Variants in PDPN observed in about 807,000 individuals in gnomAD.
PDPN encodes podoplanin.
A neutral mutation model predicts 23.2 loss-of-function variants in PDPN; 12 were observed. That is an observed-to-expected ratio of 0.52 (90% CI 0.33 to 0.84). The LOEUF (loss-of-function observed/expected upper bound fraction) is 0.84, where lower values mean the gene tolerates loss of function less well. Ranked by LOEUF, PDPN falls within the 40% of genes least tolerant of loss-of-function variation. The pLI is 0.02. For synonymous variants in PDPN, 77 were observed against 76.7 expected, an observed-to-expected ratio of 1.00 and a Z score of -0.02; for missense variants, 199 against 212.2, an observed-to-expected ratio of 0.94 and a Z score of 0.39.
intron 1 of PDPN, among the ~76,000 whole-genome samples, chr1:13,603,241 G>T (rs184152464): frequency 2.0e-5 from 3 of 152,170 alleles, no homozygotes; most frequent in Admixed American, 2.0e-4. Flanking sequence ...AAATTAGCTG[G>T]GCGTGGTGGT....
chr1:13,599,071 C>T (rs1347333431), intron 1 of PDPN, among the ~76,000 whole-genome samples: 3 of 142,596 alleles, frequency 2.1e-5, no homozygotes, highest in East Asian at 2.2e-4. Flanking sequence ...AGTGTAGTGG[C>T]GCAATCTTGG....
At chr1:13,588,898 G>A (rs550826382) in intron 1 of PDPN, among the ~76,000 whole-genome samples, 4 of 122,958 alleles carry the variant, frequency 3.3e-5, no homozygotes, top group East Asian at 4.1e-4. Context: ...GGCTGGTCTC[G>A]AACTCCTGAG....
chr1:13,583,915 CG>C lies in PDPN; in HGVS notation c.-117del. 6.2e-7 allele frequency: 1 copy of C among 1,612,178 alleles called. No individual in the cohort carries two copies. The highest frequency in any genetic ancestry group is 8.5e-7 in the Non-Finnish European group (1 of 1,179,042). ...TCCGGGGCTCCTGCTCCCACCCCTC[CG>C]GCCCCCCCACCGTCGCGCTCCTCCA... is the stretch of plus-strand genomic sequence containing the variant. On this transcript the variant is annotated 5_prime_UTR_variant, in exon 1 of 6. Transcript: ENST00000621990.
At chr1:13,614,761 TG>T in intron 5 of PDPN, 1 of 485,364 alleles carries the variant, frequency 2.1e-6, no homozygotes, top group South Asian at 1.5e-5. Flanking sequence ...CACTCCAGCC[TG>T]GGTGACAGAG....
upstream of PDPN, chr1:13,583,783 C>T (rs762817453): frequency 9.8e-5 from 149 of 1,514,468 alleles, no homozygotes; most frequent in Non-Finnish European, 1.3e-4. Context: ...GACCCCGCTC[C>T]CCCGCCTCCT....
Position 13,584,002 on chromosome 1 carries a change from GC to G in PDPN, c.-27del. 1 of 1,613,424 alleles carries G rather than the reference GC, an allele frequency of 6.2e-7. No homozygotes were observed. The highest frequency in any genetic ancestry group is 1.7e-5 in the Admixed American group (1 of 60,028). Reference sequence around the variant, plus strand: ...CCCCAGCTCAGAATCTTGCTGCTCGGCCCCCAGGAGAGCAACAACTCAACGG... The same window carrying G: ...CCCCAGCTCAGAATCTTGCTGCTCGGCCCCAGGAGAGCAACAACTCAACGG... On this transcript the variant is annotated 5_prime_UTR_variant, in exon 1 of 6. Coordinates refer to ENST00000621990, the MANE Select transcript of PDPN (RefSeq NM_006474.5).
chr1:13,601,537 A>G (rs1303925072), intron 1 of PDPN, among the ~76,000 whole-genome samples: 3 of 152,122 alleles, frequency 2.0e-5, no homozygotes, highest in Non-Finnish European at 4.4e-5. Flanking sequence ...TTGTATTTTT[A>G]GTAGGGACAG....
At chr1:13,614,250 G>A (rs771260044) in intron 4 of PDPN, 50 bp from the exon 5 acceptor site, 9 of 892,374 alleles carry the variant, frequency 1.0e-5, no homozygotes, top group African/African-American at 1.7e-5. Flanking sequence ...TTTTATCACC[G>A]ATGTATTTTT....
At chr1:13,589,153 G>C (rs189708538) in intron 1 of PDPN, among the ~76,000 whole-genome samples, 1 of 152,268 alleles carries the variant, frequency 6.6e-6, no homozygotes, top group African/African-American at 2.4e-5. Flanking sequence ...TGATGAATCA[G>C]ATGTCTTTGT....
At position 13,593,571 on chromosome 1, in the gene PDPN, C is replaced by T. The variant is rs556080797; in HGVS notation, c.67+9471C>T. Reference sequence around the variant, plus strand: ...GGCCAAGGGACGCTAGTGGAAACGGCCACATTCTGCACATTCCTGCAGGCC... The same window carrying T: ...GGCCAAGGGACGCTAGTGGAAACGGTCACATTCTGCACATTCCTGCAGGCC... On this transcript the variant is annotated intron_variant, in intron 1 of 5. Transcript: ENST00000621990. Among the ~76,000 whole-genome samples the T allele has an allele frequency of 1.6e-4, 24 of 152,314 alleles. 2 individuals are homozygous for T. The highest frequency in any genetic ancestry group is 3.4e-4 in the African/African-American group (14 of 41,578).
intron 5 of PDPN, chr1:13,614,799 AAG>A (rs1234056215): frequency 5.8e-6 from 3 of 514,830 alleles, no homozygotes; most frequent in African/African-American, 5.8e-5. Flanking sequence ...AAAAATAAGA[AAG>A]AGCCTCTTCA....
At chr1:13,602,327 C>CA (rs55924202) in intron 1 of PDPN, among the ~76,000 whole-genome samples, 4,780 of 134,480 alleles carry the variant, frequency 0.036, 78 homozygotes, top group Middle Eastern at 0.11. Context: ...GACTCCGTCT[C>CA]AAAAAAAAAA....
At chr1:13,585,073 A>C (rs1243271006) in intron 1 of PDPN, among the ~76,000 whole-genome samples, 2 of 152,232 alleles carry the variant, frequency 1.3e-5, no homozygotes, top group African/African-American at 2.4e-5. Context: ...AATGCCTGGC[A>C]CATAGTAGTT....
rs114765011 is a variant in PDPN at position 13,585,416 on chromosome 1, C to T, written c.67+1316C>T. On this transcript the variant is annotated intron_variant, in intron 1 of 5. Transcript: ENST00000621990. ...TAGCAGTCCTATCTTTGGAACTTCT[C>T]TTTCCACTGGAATATATACAGTTCT... 1,153 of 1,127,764 alleles carry T rather than the reference C, an allele frequency of 1.0e-3. 8 individuals carry two copies. The African/African-American group carries it at 0.017, about 16-fold the overall frequency. The allele number at this position is 1,127,764 out of a possible 1,614,324, so 69.9% of individuals were successfully genotyped here. A position where few individuals can be genotyped will look rare whatever the true frequency, so the allele number is the denominator to read the frequency against.
Position 13,610,451 on chromosome 1 carries a change from C to T in PDPN, c.266C>T (p.Thr89Ile), listed in dbSNP as rs1396730213. The change falls in exon 3 of 6, where the codon ACA becomes ATA. Residue 89 changes from threonine to isoleucine, a missense_variant. Physicochemically the swap from Thr to Ile is moderately conservative, Grantham distance 89. Transcript: ENST00000621990. ...GAGGATCTGCCAACTTCAGAAAGCA[C>T]AGTCCACGCGCAAGAACAAAGTCCA... ...RIEDLPTSES[T>I]VHAQEQSPSA... The T allele has an allele frequency of 6.2e-7, 1 of 1,614,056 alleles. No homozygotes were observed. Among genetic ancestry groups the T allele is most frequent in the Non-Finnish European group, 8.5e-7 (1 of 1,179,940 alleles).
intron 2 of PDPN, among the ~76,000 whole-genome samples, 190 bp downstream of exon 2, chr1:13,607,496 T>C (rs1640821804): frequency 6.6e-6 from 1 of 152,260 alleles, no homozygotes; most frequent in Non-Finnish European, 1.5e-5. Flanking sequence ...TGATAGGTTC[T>C]TGGAAACTGT....
At chr1:13,598,818 G>A (rs548641097) in intron 1 of PDPN, among the ~76,000 whole-genome samples, 2 of 152,210 alleles carry the variant, frequency 1.3e-5, no homozygotes, top group Admixed American at 1.3e-4. Flanking sequence ...TACTTACCGA[G>A]TGCCTGGTAT....
At chr1:13,613,478 A>T (rs1640986711) in intron 3 of PDPN, among the ~76,000 whole-genome samples, 1 of 150,544 alleles carries the variant, frequency 6.6e-6, no homozygotes, top group Non-Finnish European at 1.5e-5. Context: ...TGGTGTGAAT[A>T]AGGGTTCATA....
rs928501386 is a variant in PDPN, at chr1:13,616,973, C to T, written c.*1062C>T. ...TACAGGGAACAAAAATCAATTTGTACAGTCTTAATATTAAAAGCAGCTTGA... is the reference window on the plus strand; with the variant it reads ...TACAGGGAACAAAAATCAATTTGTATAGTCTTAATATTAAAAGCAGCTTGA... On this transcript the variant is annotated 3_prime_UTR_variant, in exon 6 of 6. Coordinates refer to ENST00000621990, the MANE Select transcript of PDPN (RefSeq NM_006474.5). 3.3e-5 allele frequency: 5 copies of T among 152,142 alleles called. No homozygotes were observed. The highest frequency in any genetic ancestry group is 3.3e-4 in the Admixed American group (5 of 15,274). 9.4% of individuals were successfully genotyped at this position (152,142 alleles called of 1,614,324 possible).
Sources: allele counts gnomAD v4.1 joint callset (sites outside exome capture counted in the v4.1 genomes callset), GRCh38; gene constraint gnomAD v4.1.1; transcripts MANE v1.5; gene names NCBI Gene and HGNC (gene_info 2026-07-23, HGNC 2026-07-21).